The following STAG1 variants were observed in gnomAD, a reference collection of about 807,000 sequenced individuals.
STAG1 encodes STAG1 cohesin complex component.
STAG1 carries 26 observed loss-of-function variants against 170.9 expected under a neutral mutation model. That is an observed-to-expected ratio of 0.15 (90% CI 0.11 to 0.21). STAG1 has a LOEUF of 0.21. Ranked by LOEUF, STAG1 falls within the 10% of genes least tolerant of loss-of-function variation. The pLI is 1.00. For synonymous variants in STAG1, 514 were observed against 497.7 expected (o/e 1.03, Z -0.44); for missense variants, 964 against 1,509.5 (o/e 0.64, Z 5.99).
intron 1 of STAG1, among the ~76,000 whole-genome samples, chr3:136,665,596 A>G (rs893326246): frequency 5.3e-5 from 8 of 151,598 alleles, no homozygotes; most frequent in African/African-American, 1.7e-4. Context: ...TAGCTAACAC[A>G]GTGAAACCCC....
intron 7 of STAG1, among the ~76,000 whole-genome samples, chr3:136,514,224 T>C (rs2107891670): frequency 6.6e-6 from 1 of 152,304 alleles, no homozygotes; most frequent in Middle Eastern, 3.4e-3. Context: ...CAAGTAAGCT[T>C]AGCTGTTCTC....
intron 7 of STAG1, among the ~76,000 whole-genome samples, chr3:136,516,951 A>C (rs1934408791): frequency 6.6e-6 from 1 of 152,214 alleles, no homozygotes; most frequent in African/African-American, 2.4e-5. Flanking sequence ...TCAGCAACTG[A>C]AGGCCAAATA....
chr3:136,674,504 A>C (rs1446187687), intron 1 of STAG1, among the ~76,000 whole-genome samples: 1 of 152,184 alleles, frequency 6.6e-6, no homozygotes, highest in African/African-American at 2.4e-5. Context: ...AGTGGTGGGA[A>C]TAACTGACCA....
intron 28 of STAG1, among the ~76,000 whole-genome samples, chr3:136,355,187 T>C (rs187447986): frequency 1.9e-4 from 28 of 151,342 alleles, no homozygotes; most frequent in Non-Finnish European, 3.4e-4. Flanking sequence ...ACCCCATCTC[T>C]AATAAAAATA....
At position 136,504,742 on chromosome 3, in the gene STAG1, C is replaced by T. The variant is rs140289593; in HGVS notation, c.677-1963G>A. On this transcript the variant is annotated intron_variant, in intron 7 of 33. Coordinates refer to ENST00000383202, the MANE Select transcript of STAG1 (RefSeq NM_005862.3). ...AGCTGAAAAGCATTAAAATTAACAC[C>T]AACCCTGGTTGCAATTCACCAGTGG... Among the ~76,000 whole-genome samples, 3 of 152,204 alleles carry T rather than the reference C, an allele frequency of 2.0e-5. No individual in the cohort carries two copies. The East Asian group carries it at 5.8e-4, about 29-fold the overall frequency.
At chr3:136,420,623 C>T (rs184333463) in intron 20 of STAG1, among the ~76,000 whole-genome samples, 1 of 152,250 alleles carries the variant, frequency 6.6e-6, no homozygotes, top group Admixed American at 6.5e-5. Context: ...ACTATACTGC[C>T]CATGCTGAAG....
intron 5 of STAG1, among the ~76,000 whole-genome samples, chr3:136,544,580 C>T (rs182015583): frequency 3.3e-5 from 5 of 151,920 alleles, no homozygotes; most frequent in African/African-American, 9.6e-5. Flanking sequence ...CTGGGCAACA[C>T]GGCGAGACAT....
At chr3:136,526,577 A>G (rs1257152909) in intron 6 of STAG1, among the ~76,000 whole-genome samples, 1 of 152,080 alleles carries the variant, frequency 6.6e-6, no homozygotes, top group African/African-American at 2.4e-5. Flanking sequence ...TTTTAATTGG[A>G]GCATTTAGTC....
chr3:136,423,447 C>T (rs1470793004), intron 16 of STAG1, among the ~76,000 whole-genome samples: 1 of 152,152 alleles, frequency 6.6e-6, no homozygotes, highest in Non-Finnish European at 1.5e-5. Flanking sequence ...AACACATTCT[C>T]ACTTATTTTT....
chr3:136,536,285 T>A (rs1343399184), intron 6 of STAG1, among the ~76,000 whole-genome samples: 1 of 152,156 alleles, frequency 6.6e-6, no homozygotes, highest in South Asian at 2.1e-4. Context: ...TATAACTTAC[T>A]GGATCAGCAG....
chr3:136,342,194 T>G (rs1936007281), intron 30 of STAG1, among the ~76,000 whole-genome samples: 1 of 151,254 alleles, frequency 6.6e-6, no homozygotes, highest in African/African-American at 2.4e-5. Flanking sequence ...TAATTTTTTG[T>G]ATTTTTAGTA....
At chr3:136,451,028 C>T (rs1576477630) in intron 14 of STAG1, among the ~76,000 whole-genome samples, 1 of 152,100 alleles carries the variant, frequency 6.6e-6, no homozygotes, top group Admixed American at 6.6e-5. Context: ...GGATTACAAG[C>T]GTGAGCCACT....
chr3:136,360,915 G>A (rs777678808), intron 26 of STAG1, among the ~76,000 whole-genome samples: 2 of 152,074 alleles, frequency 1.3e-5, no homozygotes, highest in Non-Finnish European at 2.9e-5. Flanking sequence ...TGATCTGCCC[G>A]CCTCAGCCTC....
chr3:136,720,850 G>T (rs1387104448), intron 1 of STAG1, among the ~76,000 whole-genome samples: 4 of 151,754 alleles, frequency 2.6e-5, no homozygotes, highest in African/African-American at 9.7e-5. Context: ...CCCCCCAAAA[G>T]AACTACCACT....
intron 21 of STAG1, among the ~76,000 whole-genome samples, chr3:136,405,791 CAAAAAAAAAAAAAAAAAA>C (rs34952291): frequency 1.8e-4 from 9 of 50,080 alleles, no homozygotes; most frequent in South Asian, 2.3e-3. Context: ...ACTCTATCTC[CAAAAAAAAAAAAAAAAAA>C]AAAAAAAAAA....
At chr3:136,372,820 G>T (rs1481798054) in intron 23 of STAG1, among the ~76,000 whole-genome samples, 1 of 151,978 alleles carries the variant, frequency 6.6e-6, no homozygotes, top group Non-Finnish European at 1.5e-5. Context: ...TTTTTTTGTT[G>T]TGTCTCCGCC....
intron 4 of STAG1, among the ~76,000 whole-genome samples, chr3:136,590,286 C>T (rs1180148882): frequency 6.6e-6 from 1 of 151,820 alleles, no homozygotes; most frequent in African/African-American, 2.4e-5. Flanking sequence ...AGTTCGAGAC[C>T]AGTCTGGCCA....
intron 28 of STAG1, among the ~76,000 whole-genome samples, chr3:136,349,962 C>T (rs1352663385): frequency 3.9e-5 from 6 of 152,028 alleles, no homozygotes; most frequent in Non-Finnish European, 7.4e-5. Flanking sequence ...TGAGATCAAC[C>T]TGGCACAACC....
chr3:136,750,573 T>G (rs1239541983), intron 1 of STAG1, among the ~76,000 whole-genome samples: 1 of 152,228 alleles, frequency 6.6e-6, no homozygotes, highest in Non-Finnish European at 1.5e-5. Flanking sequence ...ACATCGAAAC[T>G]GAAGTGGATA....
Sources: gnomAD v4.1 joint callset for allele counts (sites outside exome capture counted in the v4.1 genomes callset) on GRCh38, gnomAD v4.1.1 for gene constraint, MANE v1.5 for transcripts, NCBI Gene and HGNC (gene_info 2026-07-23, HGNC 2026-07-21) for gene names.